The following ADAM32 variants were observed in gnomAD, a reference collection of about 807,000 sequenced individuals.
ADAM32 encodes the protein ADAM metallopeptidase domain 32.
A neutral mutation model predicts 114.9 loss-of-function variants in ADAM32; 89 were observed. The observed-to-expected ratio is 0.77, with a 90% CI of 0.65 to 0.92. The LOEUF (loss-of-function observed/expected upper bound fraction) is 0.92. Ranked by LOEUF, ADAM32 falls within the 40% of genes least tolerant of loss-of-function variation. The pLI is 0.00. For missense variants in ADAM32, 870 were observed against 932.8 expected (o/e 0.93, Z 0.88); for synonymous variants, 285 against 307.5 (o/e 0.93, Z 0.77).
chr8:39,110,564 T>C (rs552738433), intron 1 of ADAM32, among the ~76,000 whole-genome samples: 1 of 152,314 alleles, frequency 6.6e-6, no homozygotes, highest in South Asian at 2.1e-4. Flanking sequence ...TACCAAGAAA[T>C]GCTATTGCTG....
intron 19 of ADAM32, among the ~76,000 whole-genome samples, chr8:39,265,853 TGTG>T (rs1482179356): frequency 6.6e-6 from 1 of 152,180 alleles, no homozygotes; most frequent in African/African-American, 2.4e-5. Flanking sequence ...ATAAGGTAGG[TGTG>T]GTGGTAGCAA....
At chr8:39,278,852 T>C (rs889559565) in intron 22 of ADAM32, among the ~76,000 whole-genome samples, 2 of 152,116 alleles carry the variant, frequency 1.3e-5, no homozygotes, top group Non-Finnish European at 2.9e-5. Context: ...CTGAACATGC[T>C]TTTTTTATCC....
At position 39,234,043 on chromosome 8, in the gene ADAM32, A is replaced by G. The variant is rs1306477033; in HGVS notation, c.1779A>G (p.Pro593=). 1 of 1,499,072 alleles carries G rather than the reference A, an allele frequency of 6.7e-7. No homozygotes were observed. The highest frequency in any genetic ancestry group is 2.1e-5 in the Admixed American group (1 of 46,564). 92.9% of individuals were successfully genotyped at this position (1,499,072 alleles called of 1,614,324 possible). The part of the protein sequence containing the change: ...DYKLPRTVPD[P]LAVKNGSQCD... ...AATTGCCTCGAACAGTTCCAGATCC[A>G]CTGGCTGTCAAAAATGGCTCTCAGT... is the stretch of plus-strand genomic sequence containing the variant. The change falls in exon 16 of 25, where the codon CCA becomes CCG. Residue 593 remains proline (P), a synonymous_variant. Coordinates refer to ENST00000379907, the MANE Select transcript of ADAM32 (RefSeq NM_145004.7).
chr8:39,227,716 T>A (rs1254262754), intron 14 of ADAM32, among the ~76,000 whole-genome samples: 2 of 152,120 alleles, frequency 1.3e-5, no homozygotes, highest in Admixed American at 6.5e-5. Flanking sequence ...TGCCTAGTCC[T>A]GCCCCCACCT....
At chr8:39,178,497 C>T (rs1394883999) in intron 10 of ADAM32, among the ~76,000 whole-genome samples, 1 of 152,170 alleles carries the variant, frequency 6.6e-6, no homozygotes, top group Non-Finnish European at 1.5e-5. Flanking sequence ...TATTACCCAC[C>T]TTCTGAAGAC....
intron 6 of ADAM32, among the ~76,000 whole-genome samples, chr8:39,155,598 G>T (rs919567391): frequency 6.6e-6 from 1 of 152,202 alleles, no homozygotes; most frequent in Admixed American, 6.5e-5. Context: ...ATAAAGAGCA[G>T]TGTGGCAGTA....
chr8:39,256,842 C>A (rs1811675199), intron 18 of ADAM32, among the ~76,000 whole-genome samples: 1 of 152,032 alleles, frequency 6.6e-6, no homozygotes, highest in Admixed American at 6.6e-5. Context: ...TTTGATAATG[C>A]ACCTTGTAAG....
chr8:39,266,125 T>C (rs1812334350), intron 19 of ADAM32, among the ~76,000 whole-genome samples: 1 of 152,198 alleles, frequency 6.6e-6, no homozygotes, highest in African/African-American at 2.4e-5. Context: ...TTGGAGAATC[T>C]GATGACTATG....
chr8:39,178,253 T>A (rs1282012354), intron 10 of ADAM32, among the ~76,000 whole-genome samples: 1 of 152,218 alleles, frequency 6.6e-6, no homozygotes. Context: ...AATGTCTTAT[T>A]TCAGAAAGAC....
intron 11 of ADAM32, among the ~76,000 whole-genome samples, chr8:39,198,701 C>A (rs1373478292): frequency 1.3e-5 from 2 of 152,048 alleles, no homozygotes; most frequent in Non-Finnish European, 2.9e-5. Flanking sequence ...TATTGTATAC[C>A]TTTACATTAG....
chr8:39,175,568 A>G (rs1010760931), intron 10 of ADAM32, among the ~76,000 whole-genome samples: 3 of 152,136 alleles, frequency 2.0e-5, no homozygotes, highest in African/African-American at 7.2e-5. Flanking sequence ...GTACAGCTGG[A>G]TTCAGTTTGC....
At chr8:39,241,074 A>T (rs564339597) in intron 16 of ADAM32, among the ~76,000 whole-genome samples, 15 of 152,336 alleles carry the variant, frequency 9.8e-5, no homozygotes, top group Non-Finnish European at 2.2e-4. Context: ...TGGCCAAAAC[A>T]AAGGGGCTAC....
At chr8:39,249,065 G>C (rs767979965) in intron 17 of ADAM32, among the ~76,000 whole-genome samples, 1 of 151,660 alleles carries the variant, frequency 6.6e-6, no homozygotes, top group African/African-American at 2.4e-5. Context: ...CACCATGCCC[G>C]GATAATTTTT....
At chr8:39,203,147 T>A (rs1807552307) in intron 11 of ADAM32, among the ~76,000 whole-genome samples, 1 of 152,226 alleles carries the variant, frequency 6.6e-6, no homozygotes, top group Non-Finnish European at 1.5e-5. Context: ...GTCTATTAGG[T>A]CTACTTGGTC....
intron 19 of ADAM32, among the ~76,000 whole-genome samples, chr8:39,262,066 T>C (rs1198582958): frequency 6.6e-6 from 1 of 152,200 alleles, no homozygotes; most frequent in Non-Finnish European, 1.5e-5. Flanking sequence ...TTGTTTATTT[T>C]TGCTTTTGTC....
rs750308020 is a variant in ADAM32, at chr8:39,211,247, CA to C, written c.1164del (p.Lys388AsnfsTer39). 3.6e-5 allele frequency: 58 copies of C among 1,600,056 alleles called. No homozygotes were observed. Among genetic ancestry groups the C allele is most frequent in the Admixed American group, 1.6e-4 (9 of 57,670 alleles). On this transcript the variant is annotated frameshift_variant, in exon 12 of 25. Transcript: ENST00000379907. LOFTEE classifies it high-confidence loss of function. ...ATGTCTTCAGAATAAGCCACAAATG[CA>C]AAAAAAATCTCCGAAACCAGTCTGT... ...VKCLQNKPQM[Q>X]KKSPKPVCGN...
intron 10 of ADAM32, among the ~76,000 whole-genome samples, chr8:39,172,439 T>C (rs547849915): frequency 9.2e-5 from 14 of 152,316 alleles, no homozygotes; most frequent in Admixed American, 2.0e-4. Flanking sequence ...CACTTAAGTA[T>C]TAAGCCCCAC....
At chr8:39,158,292 G>A in intron 6 of ADAM32, 1 of 135,170 alleles carries the variant, frequency 7.4e-6, no homozygotes. Context: ...TCCTCACCCT[G>A]CAGTTTCTTG....
rs573892891 is a variant in ADAM32, at chr8:39,229,059, A to G, written c.1526-2968A>G. 2.0e-5 allele frequency among the ~76,000 whole-genome samples: 3 copies of G among 152,338 alleles called. No homozygotes were observed. The South Asian group carries it at 6.2e-4, about 32-fold the overall frequency. On this transcript the variant is annotated intron_variant, in intron 14 of 24. Coordinates refer to ENST00000379907, the MANE Select transcript of ADAM32 (RefSeq NM_145004.7). Reference sequence around the variant, plus strand: ...CCTCAGACAAAACAATTATCAGCCAAGAATTTTGTATCCAGTGAAACTAAG... The same window carrying G: ...CCTCAGACAAAACAATTATCAGCCAGGAATTTTGTATCCAGTGAAACTAAG...
Sources: gnomAD v4.1 joint callset for allele counts (sites outside exome capture counted in the v4.1 genomes callset) on GRCh38, gnomAD v4.1.1 for gene constraint, MANE v1.5 for transcripts, NCBI Gene and HGNC (gene_info 2026-07-23, HGNC 2026-07-21) for gene names.